Variants in HHAT observed in about 807,000 individuals in gnomAD.
The protein encoded by HHAT is protein-cysteine N-palmitoyltransferase HHAT.
HHAT carries 47 observed loss-of-function variants against 70.8 expected under a neutral mutation model. That is an observed-to-expected ratio of 0.66 (90% CI 0.53 to 0.85). The LOEUF is 0.85. Among genes scored for constraint, HHAT ranks in the 40% least tolerant of loss-of-function variants. The probability of loss-of-function intolerance (pLI) is 0.00; values close to 1 mark genes in which losing one functional copy is unlikely to be tolerated. For missense variants in HHAT, 609 were observed against 604.8 expected (o/e 1.01, Z -0.07); for synonymous variants, 228 against 247.6 (o/e 0.92, Z 0.74).
chr1:210,561,121 C>G (rs953537466), intron 9 of HHAT, among the ~76,000 whole-genome samples: 4 of 152,114 alleles, frequency 2.6e-5, no homozygotes, highest in African/African-American at 9.7e-5. Context: ...GGGGTAAGTC[C>G]CATAGAACTA....
At chr1:210,419,732 A>G (rs1357372741) in intron 7 of HHAT, among the ~76,000 whole-genome samples, 3 of 152,240 alleles carry the variant, frequency 2.0e-5, no homozygotes, top group South Asian at 4.1e-4. Context: ...GTTTAATGAT[A>G]GTCTCTTTCT....
intron 7 of HHAT, among the ~76,000 whole-genome samples, chr1:210,457,071 A>AT (rs1325544095): frequency 2.0e-5 from 3 of 152,116 alleles, no homozygotes; most frequent in Non-Finnish European, 4.4e-5. Flanking sequence ...CTGTGGGGCA[A>AT]TAGCTACCTT....
In HHAT at chr1:210,565,938, A is replaced by G. The variant is rs183591229; in HGVS notation, c.1044-21960A>G. Among the ~76,000 whole-genome samples the G allele has an allele frequency of 6.3e-3, 961 of 152,282 alleles. 7 individuals are homozygous for G. The highest frequency in any genetic ancestry group is 0.02 in the Middle Eastern group (6 of 294). On this transcript the variant is annotated intron_variant, in intron 9 of 11. Coordinates refer to ENST00000261458, the MANE Select transcript of HHAT (RefSeq NM_018194.6). ...GTCTCTGGGCAAGACGGCCTCTTGG[A>G]TCCCTTCTAGCTCTAGCGTCCTCTG...
chr1:210,660,662 CTA>C (rs1359543150), intron 11 of HHAT, among the ~76,000 whole-genome samples: 1 of 152,160 alleles, frequency 6.6e-6, no homozygotes, highest in East Asian at 1.9e-4. Context: ...TGACTTCAAA[CTA>C]TAAGACAAGA....
chr1:210,569,470 G>A (rs1045929214), intron 9 of HHAT, among the ~76,000 whole-genome samples: 1 of 141,656 alleles, frequency 7.1e-6, no homozygotes, highest in East Asian at 2.2e-4. Context: ...TCTTTATAAT[G>A]TACCTACATG....
chr1:210,495,191 ATTATAAACT>A (rs2094616116), intron 8 of HHAT, among the ~76,000 whole-genome samples: 1 of 151,814 alleles, frequency 6.6e-6, no homozygotes, highest in South Asian at 2.1e-4. Flanking sequence ...TATGTAATAG[ATTATAAACT>A]TTATATATAG....
At chr1:210,409,574 A>AAGGCCTCCT (rs1019539058) in intron 6 of HHAT, among the ~76,000 whole-genome samples, 2 of 152,156 alleles carry the variant, frequency 1.3e-5, no homozygotes, top group Non-Finnish European at 2.9e-5. Flanking sequence ...CAACTGCCAC[A>AAGGCCTCCT]AGGCCTCCTA....
At chr1:210,475,018 T>G (rs2094281877) in intron 8 of HHAT, among the ~76,000 whole-genome samples, 1 of 102,784 alleles carries the variant, frequency 9.7e-6, no homozygotes, top group African/African-American at 4.8e-5. Flanking sequence ...AACTAGCTAT[T>G]TTTTTTGTTT....
intron 1 of HHAT, among the ~76,000 whole-genome samples, chr1:210,339,761 C>A (rs2085840455): frequency 6.6e-6 from 1 of 152,166 alleles, no homozygotes; most frequent in African/African-American, 2.4e-5. Context: ...TCCAGACTGC[C>A]ATCCCACAAA....
chr1:210,465,639 C>T (rs1199478951), intron 8 of HHAT, among the ~76,000 whole-genome samples: 2 of 152,200 alleles, frequency 1.3e-5, no homozygotes, highest in Non-Finnish European at 2.9e-5. Context: ...TAAATTTCAT[C>T]TCTATAGGCA....
chr1:210,478,460 G>T lies in HHAT; in HGVS notation c.1007+13805G>T, dbSNP rs1220927674. ...TCAATTAGAGTTATAAGTGGAATTT[G>T]GCTGTGGTCCTTGGCTATTGGGATG... On this transcript the variant is annotated intron_variant, in intron 8 of 11. Transcript: ENST00000261458. 2.2e-4 allele frequency among the ~76,000 whole-genome samples: 34 copies of T among 151,502 alleles called. 1 individual carries two copies. Among genetic ancestry groups the T allele is most frequent in the African/African-American group, 7.7e-4 (32 of 41,406 alleles).
At chr1:210,409,949 C>T (rs978296203) in intron 6 of HHAT, among the ~76,000 whole-genome samples, 1 of 152,120 alleles carries the variant, frequency 6.6e-6, no homozygotes, top group Admixed American at 6.5e-5. Context: ...TTTGAAATGT[C>T]TTAAATGAAA....
In HHAT at chr1:210,403,876, T is replaced by G. The variant is rs556241649; in HGVS notation, c.469-588T>G. ...TTCTTGTTTCATGCTCTATTGTAAT[T>G]GCATTTTTACACATCTACGTCCTGT... is the stretch of plus-strand genomic sequence containing the variant. On this transcript the variant is annotated intron_variant, in intron 5 of 11. Transcript: ENST00000261458. Among the ~76,000 whole-genome samples, 41 of 152,282 alleles carry G rather than the reference T, an allele frequency of 2.7e-4. No individual in the cohort carries two copies. The South Asian group carries it at 3.9e-3, about 15-fold the overall frequency.
chr1:210,338,179 C>G (rs1256810606), intron 1 of HHAT, among the ~76,000 whole-genome samples: 2 of 102,540 alleles, frequency 2.0e-5, no homozygotes, highest in Non-Finnish European at 2.0e-5. Flanking sequence ...AGACCCGCCC[C>G]CATTTAAAAA....
chr1:210,478,599 G>A (rs2094342722), intron 8 of HHAT, among the ~76,000 whole-genome samples: 2 of 152,158 alleles, frequency 1.3e-5, no homozygotes, highest in African/African-American at 2.4e-5. Flanking sequence ...TGTTAGGTGA[G>A]GTGGAGAGTG....
intron 2 of HHAT, among the ~76,000 whole-genome samples, chr1:210,361,794 G>A (rs915934280): frequency 6.6e-6 from 1 of 151,990 alleles, no homozygotes; most frequent in Non-Finnish European, 1.5e-5. Context: ...CCCTTATACT[G>A]AGAACTTGTA....
intron 10 of HHAT, among the ~76,000 whole-genome samples, chr1:210,614,149 C>A (rs1292564213): frequency 6.6e-6 from 1 of 151,546 alleles, no homozygotes; most frequent in Non-Finnish European, 1.5e-5. Flanking sequence ...TAAGTTTATT[C>A]CTAAGTATTT....
intron 9 of HHAT, among the ~76,000 whole-genome samples, chr1:210,547,090 G>A (rs1380434959): frequency 6.6e-6 from 1 of 152,204 alleles, no homozygotes; most frequent in African/African-American, 2.4e-5. Context: ...AGCACTTTGG[G>A]AGGGTGAGGT....
At chr1:210,657,752 G>A (rs149304157) in intron 11 of HHAT, among the ~76,000 whole-genome samples, 521 of 152,226 alleles carry the variant, frequency 3.4e-3, no homozygotes, top group African/African-American at 0.011. Context: ...TAGAAGAGTG[G>A]GTGTGTGGAG....
Sources: gnomAD v4.1 joint callset for allele counts (sites outside exome capture counted in the v4.1 genomes callset) on GRCh38, gnomAD v4.1.1 for gene constraint, MANE v1.5 for transcripts, NCBI Gene and HGNC (gene_info 2026-07-23, HGNC 2026-07-21) for gene names.